Variants in SND1 observed in about 807,000 individuals in gnomAD.
SND1 encodes staphylococcal nuclease and tudor domain containing 1.
In SND1, 38 loss-of-function variants were observed where a neutral mutation model predicts 121.7. The ratio of observed to expected loss-of-function variants is 0.31; its 90% CI spans 0.24 to 0.41. The LOEUF (loss-of-function observed/expected upper bound fraction) is 0.41. SND1 is among the 10% of genes least tolerant of loss of function. The pLI is 1.00. For missense variants in SND1, 868 were observed against 1,184.6 expected (o/e 0.73, Z 3.92); for synonymous variants, 401 against 447.4 (o/e 0.90, Z 1.31).
At chr7:127,938,453 A>C (rs1484030363) in intron 15 of SND1, among the ~76,000 whole-genome samples, 3 of 152,270 alleles carry the variant, frequency 2.0e-5, no homozygotes, top group Non-Finnish European at 4.4e-5. Context: ...TATCAAAAGC[A>C]TAGGCCACCT....
intron 15 of SND1, among the ~76,000 whole-genome samples, chr7:127,955,106 G>C (rs1801562265): frequency 6.6e-6 from 1 of 152,134 alleles, no homozygotes; most frequent in Admixed American, 6.5e-5. Context: ...CTTTCTTGTT[G>C]AACAGGGCAC....
At chr7:127,705,394 A>G (rs1211657503) in intron 8 of SND1, among the ~76,000 whole-genome samples, 3 of 152,248 alleles carry the variant, frequency 2.0e-5, no homozygotes, top group African/African-American at 7.2e-5. Flanking sequence ...TGTGAGGCCT[A>G]TGCCCTAACT....
In SND1 at chr7:127,698,769, A is replaced by G. The variant is rs1587604094; in HGVS notation, c.350-106A>G. 1.3e-5 allele frequency: 11 copies of G among 844,314 alleles called. No individual in the cohort carries two copies. In the East Asian group the frequency reaches 2.5e-4, roughly 19 times the overall value. 52.3% of individuals were successfully genotyped at this position (844,314 alleles called of 1,614,324 possible). On this transcript the variant is annotated intron_variant, in intron 3 of 23. Transcript: ENST00000354725. ...CTGCTGTGTCCATTTCTCTGGCAGC[A>G]TTATTCTCCTTGAGGAGCTAAGTGT...
chr7:127,881,917 G>A (rs1321520079), intron 12 of SND1, among the ~76,000 whole-genome samples: 1 of 152,042 alleles, frequency 6.6e-6, no homozygotes, highest in Non-Finnish European at 1.5e-5. Flanking sequence ...AGAATTATAG[G>A]CGTGAGCCAC....
At chr7:127,891,447 A>G (rs1203495056) in intron 13 of SND1, among the ~76,000 whole-genome samples, 4 of 151,930 alleles carry the variant, frequency 2.6e-5, no homozygotes, top group African/African-American at 9.7e-5. Flanking sequence ...TTCCCTTAGC[A>G]TTCTTCTCAC....
intron 1 of SND1, among the ~76,000 whole-genome samples, chr7:127,661,667 C>CT (rs1587575857): frequency 6.6e-6 from 1 of 152,110 alleles, no homozygotes; most frequent in Non-Finnish European, 1.5e-5. Flanking sequence ...CCTTGATGGC[C>CT]TTTTTTCATT....
At chr7:127,747,811 C>T (rs992017638) in intron 10 of SND1, among the ~76,000 whole-genome samples, 1 of 152,146 alleles carries the variant, frequency 6.6e-6, no homozygotes, top group Non-Finnish European at 1.5e-5. Flanking sequence ...GTCGTATTGT[C>T]ACTTACTTGG....
intron 13 of SND1, among the ~76,000 whole-genome samples, chr7:127,902,155 G>T (rs113999485): frequency 6.6e-6 from 1 of 152,158 alleles, no homozygotes; most frequent in East Asian, 1.9e-4. Context: ...CTAACTTACT[G>T]CTCAGGCCCT....
intron 15 of SND1, among the ~76,000 whole-genome samples, chr7:127,977,272 G>A (rs1276673026): frequency 2.0e-5 from 3 of 152,186 alleles, no homozygotes; most frequent in Non-Finnish European, 2.9e-5. Flanking sequence ...AAGAAAAAGA[G>A]TAGAATGGTA....
rs189429879 is a variant in SND1, at chr7:127,733,436, G to A, written c.1152+12036G>A. On this transcript the variant is annotated intron_variant, in intron 10 of 23. Transcript: ENST00000354725. ...GTGATTTTTGAACAGTTCTGAAGCT[G>A]AGGAGTAGGGACTCTTTGTTATTTC... Among the ~76,000 whole-genome samples the A allele has an allele frequency of 2.8e-4, 42 of 152,296 alleles. No homozygotes were observed. The East Asian group carries it at 7.9e-3, about 29-fold the overall frequency.
rs1243873366 is a variant in SND1, at chr7:127,703,260, A to G, written c.777A>G (p.Arg259=). 3.1e-6 allele frequency: 5 copies of G among 1,614,096 alleles called. No individual in the cohort carries two copies. Among genetic ancestry groups the G allele is most frequent in the Middle Eastern group, 1.7e-4 (1 of 6,060 alleles). The change falls in exon 7 of 24, where the codon AGA becomes AGG. Residue 259 remains arginine, a synonymous_variant. Coordinates refer to ENST00000354725, the MANE Select transcript of SND1 (RefSeq NM_014390.4). ...KFFTESRLLQ[R]DVQIILESCH... is the part of the protein sequence containing the mutation. ...TCACTGAGTCGCGACTGCTTCAGAGAGATGTTCAGATCATTCTGGAGAGCT... is the reference window on the plus strand; with the variant it reads ...TCACTGAGTCGCGACTGCTTCAGAGGGATGTTCAGATCATTCTGGAGAGCT...
chr7:127,822,782 A>G (rs1375129233), intron 11 of SND1, among the ~76,000 whole-genome samples: 1 of 152,266 alleles, frequency 6.6e-6, no homozygotes, highest in Non-Finnish European at 1.5e-5. Context: ...CATGTCATTA[A>G]ATAGTCTTCT....
At chr7:128,003,999 T>C (rs774098531) in intron 16 of SND1, among the ~76,000 whole-genome samples, 2 of 152,060 alleles carry the variant, frequency 1.3e-5, no homozygotes, top group Non-Finnish European at 2.9e-5. Context: ...AATCTCAGCA[T>C]TTCCACTCTA....
rs188833372 is a variant in SND1 at position 128,069,300 on chromosome 7, T to C, written c.1780-5202T>C. Among the ~76,000 whole-genome samples, 729 of 152,324 alleles carry C rather than the reference T, an allele frequency of 4.8e-3. 10 individuals are homozygous for C. The highest frequency in any genetic ancestry group is 0.017 in the African/African-American group (698 of 41,568). Reference sequence around the variant, plus strand: ...ATACAGCTCAGCAAAGCAGGACAGCTGCTGAATGTAACCATCCCACCAGGG... The same window carrying C: ...ATACAGCTCAGCAAAGCAGGACAGCCGCTGAATGTAACCATCCCACCAGGG... On this transcript the variant is annotated intron_variant, in intron 16 of 23. Coordinates refer to ENST00000354725, the MANE Select transcript of SND1 (RefSeq NM_014390.4).
chr7:127,969,851 AT>A (rs1801942796), intron 15 of SND1, among the ~76,000 whole-genome samples: 1 of 152,248 alleles, frequency 6.6e-6, no homozygotes, highest in Non-Finnish European at 1.5e-5. Context: ...ACAGTCTCAA[AT>A]TCTGGATATG....
At chr7:127,962,677 T>C (rs1455005978) in intron 15 of SND1, among the ~76,000 whole-genome samples, 2 of 152,220 alleles carry the variant, frequency 1.3e-5, no homozygotes, top group African/African-American at 4.8e-5. Flanking sequence ...ATCCCCACTC[T>C]GCAGGCAGCT....
intron 10 of SND1, among the ~76,000 whole-genome samples, chr7:127,750,608 A>G (rs1221125649): frequency 6.6e-6 from 1 of 152,036 alleles, no homozygotes; most frequent in Non-Finnish European, 1.5e-5. Flanking sequence ...ATTTTTTTGG[A>G]TTTTTGAATA....
At chr7:127,742,011 T>C (rs1031742709) in intron 10 of SND1, among the ~76,000 whole-genome samples, 1 of 152,198 alleles carries the variant, frequency 6.6e-6, no homozygotes, top group Non-Finnish European at 1.5e-5. Flanking sequence ...AGCATTAAGA[T>C]TTACAATCTA....
chr7:128,038,727 C>A (rs1016772547), intron 16 of SND1, among the ~76,000 whole-genome samples: 2 of 151,222 alleles, frequency 1.3e-5, no homozygotes, highest in African/African-American at 4.9e-5. Context: ...ATAGACAGGT[C>A]AAAAATAGTA....
Sources: allele counts gnomAD v4.1 joint callset (sites outside exome capture counted in the v4.1 genomes callset), GRCh38; gene constraint gnomAD v4.1.1; transcripts MANE v1.5; gene names NCBI Gene and HGNC (gene_info 2026-07-23, HGNC 2026-07-21).